Variants in SLIT1 observed in about 807,000 individuals in gnomAD.
SLIT1 encodes slit guidance ligand 1.
In SLIT1, 66 loss-of-function variants were observed where a neutral mutation model predicts 186.1. The observed-to-expected ratio is 0.35, with a 90% CI of 0.29 to 0.44. SLIT1 has a LOEUF of 0.44. Among genes scored for constraint, SLIT1 ranks in the 20% least tolerant of loss-of-function variants. The pLI is 1.00. For synonymous variants in SLIT1, 761 were observed against 833.8 expected (o/e 0.91, Z 1.50); for missense variants, 1,638 against 2,037.4 (o/e 0.80, Z 3.77).
At chr10:97,104,275 T>C (rs1056813413) in intron 4 of SLIT1, among the ~76,000 whole-genome samples, 1 of 152,090 alleles carries the variant, frequency 6.6e-6, no homozygotes, top group African/African-American at 2.4e-5. Context: ...AGCAGGAATA[T>C]GCTTAGTGTT....
intron 21 of SLIT1, among the ~76,000 whole-genome samples, chr10:97,038,123 G>A (rs1350072778): frequency 2.6e-5 from 4 of 152,002 alleles, no homozygotes; most frequent in African/African-American, 4.8e-5. Flanking sequence ...TGATTTGCAC[G>A]TTACCGGGCC....
intron 1 of SLIT1, among the ~76,000 whole-genome samples, chr10:97,177,323 G>A (rs1312236808): frequency 6.6e-5 from 10 of 152,108 alleles, no homozygotes; most frequent in East Asian, 1.9e-4. Context: ...AGGACCAGTC[G>A]CCCTTTCCAG....
chr10:97,081,133 C>A lies in SLIT1; in HGVS notation c.414-15047G>T, dbSNP rs115389733. Among the ~76,000 whole-genome samples, 463 of 152,270 alleles carry A rather than the reference C, an allele frequency of 3.0e-3. 5 individuals are homozygous for A. Among genetic ancestry groups the A allele is most frequent in the African/African-American group, 0.011 (448 of 41,554 alleles). On this transcript the variant is annotated intron_variant, in intron 4 of 36. Coordinates refer to ENST00000266058, the MANE Select transcript of SLIT1 (RefSeq NM_003061.3). ...TCTTTGGGTTCTCCCGGTTGAGGAC[C>A]AGGGGTGGGCCTGGGGCTGGGAAAG...
In SLIT1 at chr10:97,006,713, G is replaced by A; in HGVS notation, c.3349C>T (p.Leu1117Phe). The A allele has an allele frequency of 1.2e-6, 2 of 1,612,164 alleles. No homozygotes were observed. The highest frequency in any genetic ancestry group is 2.2e-5 in the South Asian group (2 of 90,996). The change falls in exon 32 of 37, where the codon CTC becomes TTC. Residue 1117 changes from leucine to phenylalanine, a missense_variant. Leu to Phe is a conservative substitution (Grantham distance 22). Coordinates refer to ENST00000266058, the MANE Select transcript of SLIT1 (RefSeq NM_003061.3). The surrounding 1 kb of genome is among the most constrained non-coding windows in gnomAD (Gnocchi z 4.0). The part of the protein sequence containing the change: ...CLCAEGYSGQ[L>F]CEIPPHLPAP... ...GGCAGATGGGGAGGGATCTCACAGA[G>A]CTGTCCACTGAGAGGAAAGGACATA...
At position 97,146,769 on chromosome 10, in the gene SLIT1, C is replaced by T. The variant is rs1470900716; in HGVS notation, c.413+11049G>A. 2.0e-5 allele frequency among the ~76,000 whole-genome samples: 3 copies of T among 152,170 alleles called. 1 individual carries two copies. Among genetic ancestry groups the T allele is most frequent in the South Asian group, 4.1e-4 (2 of 4,820 alleles). On this transcript the variant is annotated intron_variant, in intron 4 of 36. Transcript: ENST00000266058. ...TAGAGCCCCAAGCCCTGAAATCAGA[C>T]AGCAAGAAATGGGCGGCGCCCCTTT...
At chr10:97,003,879 C>A (rs926476736) in intron 34 of SLIT1, among the ~76,000 whole-genome samples, 189 bp downstream of exon 34, 1 of 152,240 alleles carries the variant, frequency 6.6e-6, no homozygotes, top group African/African-American at 2.4e-5. Flanking sequence ...ATCCATCCTC[C>A]TTGGTCAGTC....
At chr10:97,076,634 A>G (rs1849048658) in intron 4 of SLIT1, among the ~76,000 whole-genome samples, 1 of 152,038 alleles carries the variant, frequency 6.6e-6, no homozygotes, top group African/African-American at 2.4e-5. Flanking sequence ...GGTCTAATTC[A>G]CCTTCAAGGT....
At chr10:97,017,262 T>C (rs1421354348) in intron 28 of SLIT1, among the ~76,000 whole-genome samples, 2 of 152,096 alleles carry the variant, frequency 1.3e-5, no homozygotes, top group Non-Finnish European at 2.9e-5. Context: ...AGGACGCCGT[T>C]TCCAAGGCAA....
At chr10:97,150,693 G>C (rs963785836) in intron 4 of SLIT1, among the ~76,000 whole-genome samples, 2 of 149,750 alleles carry the variant, frequency 1.3e-5, no homozygotes, top group African/African-American at 2.5e-5. Context: ...GTTTCCAGAA[G>C]CAGCTTCTGG....
At chr10:97,023,665 G>A (rs575506937) in intron 25 of SLIT1, among the ~76,000 whole-genome samples, 12 of 152,300 alleles carry the variant, frequency 7.9e-5, no homozygotes, top group South Asian at 2.1e-4. Flanking sequence ...AATTCCGGCC[G>A]GGTGAGGTAG....
intron 4 of SLIT1, among the ~76,000 whole-genome samples, chr10:97,085,848 G>C (rs535486896): frequency 6.6e-6 from 1 of 152,240 alleles, no homozygotes; most frequent in African/African-American, 2.4e-5. Flanking sequence ...ATTATCTTTG[G>C]GTACCAAAAA....
intron 4 of SLIT1, chr10:97,154,834 T>A (rs750344183): frequency 1.3e-5 from 2 of 152,274 alleles, no homozygotes; most frequent in Non-Finnish European, 2.9e-5. Context: ...GGTTATAGAA[T>A]CTGGCTATTT....
At chr10:97,038,681 A>G (rs532281225) in intron 21 of SLIT1, among the ~76,000 whole-genome samples, 35 of 151,906 alleles carry the variant, frequency 2.3e-4, no homozygotes, top group African/African-American at 8.0e-4. Context: ...CCACCCCCCA[A>G]CTAACTACAG....
intron 1 of SLIT1, among the ~76,000 whole-genome samples, chr10:97,172,872 C>T (rs570501980): frequency 3.3e-5 from 5 of 150,568 alleles, no homozygotes; most frequent in Admixed American, 6.6e-5. Flanking sequence ...ACAGCCTGGG[C>T]AAGAGAGCAA....
chr10:97,134,442 G>A (rs572973714), intron 4 of SLIT1, among the ~76,000 whole-genome samples: 9 of 152,248 alleles, frequency 5.9e-5, no homozygotes, highest in South Asian at 2.1e-4. Context: ...GGGAAAGGGC[G>A]GCCTGTTCTC....
intron 4 of SLIT1, among the ~76,000 whole-genome samples, chr10:97,146,145 C>A (rs1767858324): frequency 6.6e-6 from 1 of 152,192 alleles, no homozygotes; most frequent in Non-Finnish European, 1.5e-5. Flanking sequence ...GATTCCAGCC[C>A]CAAATCAAAG....
chr10:97,177,980 A>G (rs190152948), intron 1 of SLIT1, among the ~76,000 whole-genome samples: 3 of 152,162 alleles, frequency 2.0e-5, no homozygotes, highest in Admixed American at 6.5e-5. Flanking sequence ...CCATCTCAAA[A>G]AAACAAACAA....
At chr10:97,112,712 G>GT (rs1004119186) in intron 4 of SLIT1, among the ~76,000 whole-genome samples, 4 of 152,058 alleles carry the variant, frequency 2.6e-5, no homozygotes, top group Non-Finnish European at 5.9e-5. Context: ...GTTTTGTTTT[G>GT]TTTTTTTGAG....
intron 4 of SLIT1, among the ~76,000 whole-genome samples, chr10:97,156,632 C>A (rs1234705445): frequency 6.6e-6 from 1 of 152,138 alleles, no homozygotes. Flanking sequence ...CTGGAGATCA[C>A]TGGGCTTACA....
Sources: allele counts gnomAD v4.1 joint callset (sites outside exome capture counted in the v4.1 genomes callset), GRCh38; gene constraint gnomAD v4.1.1; non-coding constraint Gnocchi (gnomAD v3.1); transcripts MANE v1.5; gene names NCBI Gene and HGNC (gene_info 2026-07-23, HGNC 2026-07-21).